The following ATF3 variants were observed in gnomAD, a reference collection of about 807,000 sequenced individuals.
The protein encoded by ATF3 is activating transcription factor 3.
ATF3 carries 10 observed loss-of-function variants against 18.4 expected under a neutral mutation model. That is an observed-to-expected ratio of 0.54 (90% CI 0.34 to 0.92). The LOEUF is 0.92. Among genes scored for constraint, ATF3 ranks in the 40% least tolerant of loss-of-function variants. ATF3 has a pLI of 0.02. For synonymous variants in ATF3, 78 were observed against 87.9 expected (o/e 0.89, Z 0.63); for missense variants, 183 against 222.3 (o/e 0.82, Z 1.12).
rs964170695 is a variant in ATF3 at position 212,619,879 on chromosome 1, C to T, written c.*324C>T. On this transcript the variant is annotated 3_prime_UTR_variant, in exon 4 of 4. Coordinates refer to ENST00000341491, the MANE Select transcript of ATF3 (RefSeq NM_001674.4). The surrounding 1 kb of genome is among the most constrained non-coding windows in gnomAD (Gnocchi z 4.4). ...TTCTACAAAAAACCAGGATGCCCAC[C>T]GTTAGGATTCAGGCAGCAGTGTCTG... The T allele has an allele frequency of 2.1e-4, 69 of 321,364 alleles. 2 individuals carry two copies. Among genetic ancestry groups the T allele is most frequent in the South Asian group, 1.6e-3 (59 of 37,398 alleles). The allele number at this position is 321,364 out of a possible 1,614,324, so 19.9% of individuals were successfully genotyped here.
rs568249101 is a variant in ATF3, at chr1:212,599,835, T to A, written c.-4-15183T>A. On this transcript the variant is annotated intron_variant, in intron 1 of 3. Coordinates refer to the ATF3 transcript ENST00000366981. ...AAATCCAAAGATGTCTGCCTAGAAG[T>A]TTCCCAAAATCATCCCCTCCTGTTC... Among the ~76,000 whole-genome samples the A allele has an allele frequency of 3.9e-5, 6 of 152,254 alleles. No individual in the cohort carries two copies. In the East Asian group the frequency reaches 1.2e-3, roughly 29 times the overall value.
intron 1 of ATF3, among the ~76,000 whole-genome samples, chr1:212,611,163 T>C (rs1265338295): frequency 2.6e-5 from 4 of 152,360 alleles, no homozygotes; most frequent in East Asian, 1.9e-4. Context: ...GAATTGGTTC[T>C]CTTTCAAATA....
At chr1:212,567,976 T>C (rs1258597563) in intron 1 of ATF3, among the ~76,000 whole-genome samples, 1 of 152,232 alleles carries the variant, frequency 6.6e-6, no homozygotes, top group East Asian at 1.9e-4. Context: ...AATAACACTT[T>C]CTTTGCCTAT....
intron 1 of ATF3, among the ~76,000 whole-genome samples, chr1:212,581,936 G>A (rs1462952954): frequency 6.6e-6 from 1 of 152,258 alleles, no homozygotes; most frequent in East Asian, 1.9e-4. Flanking sequence ...TTCTTTTAAT[G>A]AATATAAAAA....
At position 212,619,554 on chromosome 1, in the gene ATF3, A is replaced by T; in HGVS notation, c.545A>T (p.Ter182LeuextTer13). ...QQIKEGTLQS[*>L] The stretch of plus-strand genomic sequence containing the variant: ...ATAAAAGAAGGAACATTGCAGAGCT[A>T]AGCAGTCGTGGTATGGGGGCGACTG... Residue 182 changes from the stop codon to leucine (L), a stop_lost, in exon 4 of 4, where the codon TAA becomes TTA. Transcript: ENST00000341491. This position sits in a 1 kb window ranked among gnomAD's most constrained non-coding sequence, Gnocchi z 4.4. The T allele has an allele frequency of 6.2e-7, 1 of 1,614,122 alleles. No homozygotes were observed. The highest frequency in any genetic ancestry group is 8.5e-7 in the Non-Finnish European group (1 of 1,179,974).
intron 1 of ATF3, among the ~76,000 whole-genome samples, chr1:212,579,282 G>A (rs549452469): frequency 2.6e-5 from 4 of 152,144 alleles, no homozygotes; most frequent in Non-Finnish European, 4.4e-5. Context: ...AAAGTGCTGG[G>A]ATTACAGGCA....
chr1:212,609,841 C>T (rs1305568260), intron 1 of ATF3, among the ~76,000 whole-genome samples: 1 of 152,200 alleles, frequency 6.6e-6, no homozygotes, highest in East Asian at 1.9e-4. Context: ...GTCGTTGGGC[C>T]TCAGTATGCG....
At chr1:212,567,366 C>G (rs1004437178) in intron 1 of ATF3, among the ~76,000 whole-genome samples, 1 of 152,158 alleles carries the variant, frequency 6.6e-6, no homozygotes, top group Non-Finnish European at 1.5e-5. Context: ...TCAGCACACT[C>G]AAGAAACCAG....
chr1:212,588,934 A>G (rs972621426), intron 1 of ATF3, among the ~76,000 whole-genome samples: 4 of 152,264 alleles, frequency 2.6e-5, no homozygotes, highest in African/African-American at 9.6e-5. Flanking sequence ...TCAAAAATAT[A>G]AGTAATACAT....
intron 1 of ATF3, among the ~76,000 whole-genome samples, chr1:212,575,820 T>C (rs1664567873): frequency 6.6e-6 from 1 of 152,164 alleles, no homozygotes; most frequent in African/African-American, 2.4e-5. Flanking sequence ...AATTTGTTAA[T>C]TTAATAAGTT....
intron 1 of ATF3, among the ~76,000 whole-genome samples, chr1:212,591,032 T>A (rs960545343): frequency 6.6e-6 from 1 of 152,242 alleles, no homozygotes; most frequent in South Asian, 2.1e-4. Context: ...CACAAGACCG[T>A]CCACCATCTG....
intron 1 of ATF3, among the ~76,000 whole-genome samples, chr1:212,579,193 G>A (rs937781353): frequency 6.6e-6 from 1 of 151,682 alleles, no homozygotes; most frequent in Admixed American, 6.6e-5. Context: ...TGTATTTTTA[G>A]TAGAGACGGG....
At chr1:212,569,443 G>T (rs559590592) in intron 1 of ATF3, among the ~76,000 whole-genome samples, 2 of 152,142 alleles carry the variant, frequency 1.3e-5, no homozygotes, top group South Asian at 4.1e-4. Context: ...TTTCTAATGC[G>T]AGCCTATTTC....
At chr1:212,605,627 T>TTTTTG (rs1654602772), upstream of ATF3, among the ~76,000 whole-genome samples, 1 of 152,222 alleles carries the variant, frequency 6.6e-6, no homozygotes, top group Non-Finnish European at 1.5e-5. Context: ...ATCTCAAACT[T>TTTTTG]TTTTGTTTTT....
At chr1:212,614,945 C>T in intron 1 of ATF3, 73 bp from the exon 2 acceptor site, 1 of 1,613,182 alleles carries the variant, frequency 6.2e-7, no homozygotes, top group Non-Finnish European at 8.5e-7. Context: ...TGTTGGAGGT[C>T]TGGTGGGGGA....
At chr1:212,585,125 C>G (rs1664754073) in intron 1 of ATF3, among the ~76,000 whole-genome samples, 1 of 152,166 alleles carries the variant, frequency 6.6e-6, no homozygotes, top group African/African-American at 2.4e-5. Flanking sequence ...AGAGAAGTGC[C>G]TGAATAGTGA....
intron 1 of ATF3, among the ~76,000 whole-genome samples, chr1:212,586,039 T>C (rs1277096750): frequency 6.6e-6 from 1 of 152,210 alleles, no homozygotes; most frequent in African/African-American, 2.4e-5. Context: ...CCAGCCCCTC[T>C]CAACCCTCTG....
intron 1 of ATF3, among the ~76,000 whole-genome samples, chr1:212,578,660 T>C (rs1367764526): frequency 6.6e-6 from 1 of 152,236 alleles, no homozygotes; most frequent in African/African-American, 2.4e-5. Flanking sequence ...TTGTTGGCTG[T>C]CTTCCTTAGC....
At chr1:212,606,786 T>C (rs1209125121), upstream of ATF3, among the ~76,000 whole-genome samples, 1 of 152,208 alleles carries the variant, frequency 6.6e-6, no homozygotes, top group Non-Finnish European at 1.5e-5. Context: ...TTCATTCAAA[T>C]GCAAACACTC....
Sources: allele counts gnomAD v4.1 joint callset (sites outside exome capture counted in the v4.1 genomes callset), GRCh38; gene constraint gnomAD v4.1.1; non-coding constraint Gnocchi (gnomAD v3.1); transcripts MANE v1.5; gene names NCBI Gene and HGNC (gene_info 2026-07-23, HGNC 2026-07-21).